Variants in LAMA3 observed in about 807,000 individuals in gnomAD.
The protein encoded by LAMA3 is laminin subunit alpha-3.
LAMA3 carries 281 observed loss-of-function variants against 402.0 expected under a neutral mutation model. The ratio of observed to expected loss-of-function variants is 0.70; its 90% CI spans 0.63 to 0.77. The LOEUF (loss-of-function observed/expected upper bound fraction) is 0.77. LAMA3 is among the 30% of genes least tolerant of loss of function. The pLI is 0.00. For missense variants in LAMA3, 3,840 were observed against 4,215.5 expected (o/e 0.91, Z 2.47); for synonymous variants, 1,431 against 1,558.4 (o/e 0.92, Z 1.93).
At chr18:23,790,052 T>G (rs1224796444) in intron 12 of LAMA3, among the ~76,000 whole-genome samples, 1 of 152,230 alleles carries the variant, frequency 6.6e-6, no homozygotes, top group Non-Finnish European at 1.5e-5. Flanking sequence ...GCAACCATTC[T>G]GAGACCCAGG....
Position 23,867,877 on chromosome 18 carries a change from G to A in LAMA3, c.4727G>A (p.Arg1576Gln), listed in dbSNP as rs753308820. The change falls in exon 37 of 75, where the codon CGG (arginine) becomes CAG (glutamine). Residue 1576 changes from arginine to glutamine, a missense_variant. This residue lies in a region of LAMA3 where 2,109 missense variants were observed against 2,376.0 expected (regional missense o/e 0.89). Transcript: ENST00000313654. ...ATCTATGAGGAGACAAACACCCCAC[G>A]GCCAGACCGGCTGCATCATGGACGA... ...SIIYEETNTP[R>Q]PDRLHHGRVH... is the part of the protein sequence containing the mutation. The A allele has an allele frequency of 6.8e-6, 11 of 1,613,928 alleles. No individual in the cohort carries two copies. The East Asian group carries it at 8.9e-5, about 13-fold the overall frequency.
chr18:23,877,463 G>A (rs991306465), intron 39 of LAMA3, among the ~76,000 whole-genome samples: 3 of 152,172 alleles, frequency 2.0e-5, no homozygotes, highest in Admixed American at 6.5e-5. Context: ...CATACTCCAG[G>A]AATACAGGGC....
rs777223810 is a variant in LAMA3, at chr18:23,898,748, T to C, written c.5624T>C (p.Leu1875Pro). 1 of 1,590,274 alleles carries C rather than the reference T, an allele frequency of 6.3e-7. No homozygotes were observed. Among genetic ancestry groups the C allele is most frequent in the Non-Finnish European group, 8.6e-7 (1 of 1,158,214 alleles). The change falls in exon 45 of 75, where the codon CTC (leucine) becomes CCC (proline). Residue 1875 changes from leucine to proline, a missense_variant. Physicochemically the swap from Leu to Pro is moderately conservative, Grantham distance 98. This residue lies in a region of LAMA3 where 891 missense variants were observed against 857.5 expected (regional missense o/e 1.04). Transcript: ENST00000313654. Reference protein sequence around the residue: ...TQAKDLRNQLLNYRSAISNHG... With the variant: ...TQAKDLRNQLPNYRSAISNHG... ...GTGTTTTGTTTCCAGAATCAGTTGC[T>C]CAACTACCGTTCTGCCATTTCAAAT... is the stretch of plus-strand genomic sequence containing the variant.
intron 2 of LAMA3, among the ~76,000 whole-genome samples, chr18:23,730,187 C>T (rs1274863655): frequency 1.3e-5 from 2 of 152,140 alleles, no homozygotes; most frequent in Non-Finnish European, 2.9e-5. Flanking sequence ...GACACAGCTT[C>T]ATGGCCTGCA....
chr18:23,894,483 T>A, intron 43 of LAMA3, 135 bp downstream of exon 43: 2 of 777,896 alleles, frequency 2.6e-6, no homozygotes, highest in East Asian at 2.6e-5. Context: ...CTACTTAGGG[T>A]CAAATCAGCT....
chr18:23,867,550 G>GT (rs1329647128), intron 36 of LAMA3, among the ~76,000 whole-genome samples: 1,390 of 54,700 alleles, frequency 0.025, 12 homozygotes, highest in Middle Eastern at 0.14. Context: ...TTCCATCCCT[G>GT]CCAAAAAAAA....
chr18:23,899,089 T>A, intron 46 of LAMA3, 24 bp downstream of exon 46: 1 of 1,577,022 alleles, frequency 6.3e-7, no homozygotes, highest in Non-Finnish European at 8.7e-7. Context: ...TTAAGCCCAA[T>A]TACATTTTTT....
At chr18:23,933,710 C>A in intron 66 of LAMA3, 72 bp from the exon 67 acceptor site, 1 of 1,533,294 alleles carries the variant, frequency 6.5e-7, no homozygotes, top group Non-Finnish European at 9.0e-7. Flanking sequence ...TTGAAATGAG[C>A]TCTCTCTACC....
chr18:23,888,937 T>TA lies in LAMA3; in HGVS notation c.5304-1074_5304-1073insA, dbSNP rs1568302545. On this transcript the variant is annotated intron_variant, in intron 41 of 74. Coordinates refer to ENST00000313654, the MANE Select transcript of LAMA3 (RefSeq NM_198129.4). ...AGCATGAATATGTGCTTATTTGACT[T>TA]TAAAAAAAAAAAAAAATCAAAGAAT... is the stretch of plus-strand genomic sequence containing the variant. Among the ~76,000 whole-genome samples, 7 of 83,684 alleles carry TA rather than the reference T, an allele frequency of 8.4e-5. No individual in the cohort carries two copies. In the South Asian group the frequency reaches 1.4e-3, roughly 16 times the overall value. The allele number at this position is 83,684 out of a possible 152,430, so 54.9% of individuals were successfully genotyped here.
intron 32 of LAMA3, among the ~76,000 whole-genome samples, chr18:23,851,197 C>T (rs543030614): frequency 1.3e-5 from 2 of 152,306 alleles, no homozygotes; most frequent in Middle Eastern, 3.4e-3. Context: ...AGTGTGCAGG[C>T]GCTGGGATGT....
At position 23,842,578 on chromosome 18, in the gene LAMA3, G is replaced by T. The variant is rs757052742; in HGVS notation, c.3464-33G>T. The T allele has an allele frequency of 1.9e-5, 30 of 1,614,214 alleles. No homozygotes were observed. In the East Asian group the frequency reaches 6.7e-4, roughly 36 times the overall value. On this transcript the variant is annotated intron_variant, in intron 28 of 74. Coordinates refer to ENST00000313654, the MANE Select transcript of LAMA3 (RefSeq NM_198129.4). ...CCTCAGGCTGAATCTACAGTCCGGT[G>T]CATGACAGAAAGTCTCTCTCTCTCT...
intron 12 of LAMA3, among the ~76,000 whole-genome samples, chr18:23,784,562 G>A (rs919913320): frequency 1.6e-4 from 25 of 152,272 alleles, no homozygotes; most frequent in Admixed American, 1.5e-3. Flanking sequence ...ACAGAAGGAG[G>A]CAGGGTGTTC....
At position 23,954,835 on chromosome 18, in the gene LAMA3, A is replaced by G; in HGVS notation, c.*187A>G. ...GCATTCAGTGCTACATGTGTATTTT[A>G]TATAAAAATCCCATTTCTTGAAGAT... On this transcript the variant is annotated 3_prime_UTR_variant, in exon 75 of 75. Coordinates refer to ENST00000313654, the MANE Select transcript of LAMA3 (RefSeq NM_198129.4). The G allele has an allele frequency of 3.2e-6, 2 of 615,606 alleles. No individual in the cohort carries two copies. The highest frequency in any genetic ancestry group is 5.7e-6 in the Non-Finnish European group (2 of 348,224). 38.1% of individuals were successfully genotyped at this position (615,606 alleles called of 1,614,324 possible).
chr18:23,872,890 C>A, intron 38 of LAMA3: 1 of 788,912 alleles, frequency 1.3e-6, no homozygotes, highest in Non-Finnish European at 2.1e-6. Context: ...CGCTCTGGCA[C>A]AGGCTGACTC....
rs541563071 is a variant in LAMA3, at chr18:23,907,452, A to G, written c.6719-98A>G. On this transcript the variant is annotated intron_variant, in intron 52 of 74. Coordinates refer to ENST00000313654, the MANE Select transcript of LAMA3 (RefSeq NM_198129.4). ...TGACCCCTAAGAAGCAAGTCTACTCAATGCTGTGCAGACACTGGCTACTTC... is the reference window on the plus strand; with the variant it reads ...TGACCCCTAAGAAGCAAGTCTACTCGATGCTGTGCAGACACTGGCTACTTC... 419 of 872,660 alleles carry G rather than the reference A, an allele frequency of 4.8e-4. 3 individuals are homozygous for G. The highest frequency in any genetic ancestry group is 1.5e-4 in the Non-Finnish European group (75 of 514,084). The allele number at this position is 872,660 out of a possible 1,614,324, so 54.1% of individuals were successfully genotyped here. A position where few individuals can be genotyped will look rare whatever the true frequency, so the allele number is the denominator to read the frequency against.
At chr18:23,822,417 GAAAT>G (rs1441596501) in intron 20 of LAMA3, 42 bp downstream of exon 20, 2 of 1,589,586 alleles carry the variant, frequency 1.3e-6, no homozygotes, top group East Asian at 2.2e-5. Flanking sequence ...TTTCAATTAA[GAAAT>G]AAATAGTGAA....
intron 12 of LAMA3, among the ~76,000 whole-genome samples, chr18:23,805,596 A>G (rs1400686162): frequency 1.3e-5 from 2 of 152,174 alleles, no homozygotes; most frequent in East Asian, 1.9e-4. Flanking sequence ...TCAGGAACCC[A>G]CTGCCCTCAT....
chr18:23,782,792 C>T (rs554205953), intron 11 of LAMA3, among the ~76,000 whole-genome samples: 87 of 136,492 alleles, frequency 6.4e-4, no homozygotes, highest in Middle Eastern at 3.9e-3. Flanking sequence ...CCTTTCTGAG[C>T]ATCTTTTTTT....
intron 39 of LAMA3, among the ~76,000 whole-genome samples, chr18:23,880,745 T>C (rs1176932524): frequency 2.0e-5 from 3 of 152,074 alleles, no homozygotes; most frequent in Non-Finnish European, 4.4e-5. Context: ...AGCATGGTGG[T>C]GGGTGCCTGT....
Sources: allele counts gnomAD v4.1 joint callset (sites outside exome capture counted in the v4.1 genomes callset), GRCh38; gene constraint gnomAD v4.1.1; regional missense constraint gnomAD v4.1.1; transcripts MANE v1.5; gene names NCBI Gene and HGNC (gene_info 2026-07-23, HGNC 2026-07-21).